Variants in SNX5 observed in about 807,000 individuals in gnomAD.
SNX5 encodes the protein sorting nexin 5.
In SNX5, 31 loss-of-function variants were observed where a neutral mutation model predicts 53.9. That is an observed-to-expected ratio of 0.58 (90% CI 0.43 to 0.78). SNX5 has a LOEUF of 0.78. SNX5 is among the 30% of genes least tolerant of loss of function. The pLI is 0.00. For synonymous variants in SNX5, 168 were observed against 171.1 expected (o/e 0.98, Z 0.14); for missense variants, 471 against 478.8 (o/e 0.98, Z 0.15).
intron 1 of SNX5, chr20:17,967,741 T>C (rs982805782): frequency 4.2e-6 from 1 of 235,622 alleles, no homozygotes; most frequent in Non-Finnish European, 8.1e-6. Context: ...AATAATCTTT[T>C]AGACCTCAAG....
intron 1 of SNX5, chr20:17,968,023 C>A: frequency 5.0e-6 from 2 of 398,446 alleles, no homozygotes; most frequent in South Asian, 2.6e-4. Context: ...CATGTTAAGT[C>A]AATTTCACGT....
At chr20:17,967,546 G>C (rs919904141) in intron 1 of SNX5, 1 of 152,230 alleles carries the variant, frequency 6.6e-6, no homozygotes, top group African/African-American at 2.4e-5. Flanking sequence ...CATTTTAAGA[G>C]AGCCTTGTAT....
In SNX5 at chr20:17,964,575, A is replaced by C. The variant is rs183038809; in HGVS notation, c.51+3800T>G. On this transcript the variant is annotated intron_variant, in intron 1 of 12. Coordinates refer to ENST00000377759, the MANE Select transcript of SNX5 (RefSeq NM_014426.4). ...AGAAAACAGGTATTAAGGGTGAAGA[A>C]GCCACTTTTTGGAAAGTTAGATCAT... 4.5e-4 allele frequency among the ~76,000 whole-genome samples: 68 copies of C among 152,308 alleles called. 1 individual carries two copies. Among genetic ancestry groups the C allele is most frequent in the Admixed American group, 2.2e-3 (33 of 15,298 alleles).
intron 3 of SNX5, chr20:17,954,346 G>A: frequency 2.0e-6 from 1 of 501,194 alleles, no homozygotes; most frequent in South Asian, 2.3e-5. Flanking sequence ...CATTTGTTCA[G>A]TTTATCCATT....
intron 1 of SNX5, chr20:17,961,563 C>T (rs990859841): frequency 1.0e-6 from 1 of 983,986 alleles, no homozygotes; most frequent in African/African-American, 1.7e-5. Context: ...ATATGCAGTG[C>T]TAGCCTGTAT....
chr20:17,959,788 CA>C (rs1231984434), intron 1 of SNX5, among the ~76,000 whole-genome samples: 1 of 152,196 alleles, frequency 6.6e-6, no homozygotes. Context: ...CGGGAAGCAT[CA>C]AGTGTGACCA....
intron 1 of SNX5, among the ~76,000 whole-genome samples, chr20:17,962,403 C>T (rs1428228880): frequency 6.7e-6 from 1 of 149,584 alleles, no homozygotes; most frequent in Non-Finnish European, 1.5e-5. Context: ...CAGGGTTTCA[C>T]CATGTTGGTC....
intron 1 of SNX5, among the ~76,000 whole-genome samples, chr20:17,960,635 G>A (rs1017225806): frequency 4.6e-5 from 7 of 151,860 alleles, no homozygotes; most frequent in Non-Finnish European, 8.8e-5. Flanking sequence ...AAATTAGCCT[G>A]GCATGGTGGC....
Position 17,968,407 on chromosome 20 carries a change from A to T in SNX5, c.19T>A (p.Leu7Met). ...CGGTCCTCCTCCTGCTGCTGCAGCA[A>T]CTCGGGAACCGCGGCCATGGCGACG... MAAVPE[L>M]LQQQEEDRSK... The change falls in exon 1 of 13, where the codon TTG becomes ATG. Residue 7 changes from leucine to methionine, a missense_variant. By Grantham distance (15) the Leu-to-Met change is conservative. Coordinates refer to ENST00000377759, the MANE Select transcript of SNX5 (RefSeq NM_014426.4). 1 of 1,287,434 alleles carries T rather than the reference A, an allele frequency of 7.8e-7. No individual in the cohort carries two copies. The highest frequency in any genetic ancestry group is 3.1e-5 in the East Asian group (1 of 31,946). 79.8% of individuals were successfully genotyped at this position (1,287,434 alleles called of 1,614,324 possible).
intron 2 of SNX5, among the ~76,000 whole-genome samples, chr20:17,956,600 G>A (rs187460738): frequency 6.9e-6 from 1 of 144,296 alleles, no homozygotes; most frequent in East Asian, 2.1e-4. Context: ...GCTTGAACCC[G>A]GGAGGCAGGG....
chr20:17,953,880 C>T (rs2122379172), intron 4 of SNX5, 116 bp downstream of exon 4: 1 of 826,292 alleles, frequency 1.2e-6, no homozygotes, highest in East Asian at 2.5e-5. Context: ...CGCTAGGGAC[C>T]TAATTAAACA....
At chr20:17,958,206 A>G (rs2035394765) in intron 1 of SNX5, among the ~76,000 whole-genome samples, 1 of 152,194 alleles carries the variant, frequency 6.6e-6, no homozygotes, top group African/African-American at 2.4e-5. Context: ...GTGCTAAAGT[A>G]AAGTTGTCAT....
intron 3 of SNX5, 84 bp downstream of exon 3, chr20:17,955,281 A>T: frequency 1.1e-6 from 1 of 917,264 alleles, no homozygotes; most frequent in Non-Finnish European, 1.7e-6. Flanking sequence ...ACAATCCATT[A>T]AAAAAAGTGG....
At chr20:17,965,799 A>T (rs557589818) in intron 1 of SNX5, among the ~76,000 whole-genome samples, 1 of 152,338 alleles carries the variant, frequency 6.6e-6, no homozygotes, top group South Asian at 2.1e-4. Flanking sequence ...CTGAACTAGA[A>T]CTAAGGCGTG....
intron 6 of SNX5, chr20:17,951,264 A>C: frequency 2.1e-6 from 1 of 474,902 alleles, no homozygotes; most frequent in Non-Finnish European, 3.9e-6. Flanking sequence ...CTTACAGAAA[A>C]GGAGAAAATG....
intron 1 of SNX5, chr20:17,962,621 T>TTCGGGGGAGGGGGGAGGGATAAAAA (rs1268019208): frequency 5.2e-5 from 24 of 461,348 alleles, no homozygotes; most frequent in African/African-American, 1.0e-4. Flanking sequence ...TAAAGACTTC[T>TTCGGGGGAGGGGGGAGGGATAAAAA]AACAGAAGAT....
In SNX5 at chr20:17,968,466, G is replaced by C; in HGVS notation, c.-41C>G. 5.4e-6 allele frequency: 7 copies of C among 1,290,088 alleles called. No homozygotes were observed. The South Asian group carries it at 8.5e-5, about 16-fold the overall frequency. 79.9% of individuals were successfully genotyped at this position (1,290,088 alleles called of 1,614,324 possible). A position where few individuals can be genotyped will look rare whatever the true frequency, so the allele number is the denominator to read the frequency against. ...GAGCAGGGGCCGCCTGGCTGTGCGAGGAAAGAAGAAGCTGGGCCGCCGCCG... is the reference window on the plus strand; with the variant it reads ...GAGCAGGGGCCGCCTGGCTGTGCGACGAAAGAAGAAGCTGGGCCGCCGCCG... On this transcript the variant is annotated 5_prime_UTR_variant, in exon 1 of 13. Transcript: ENST00000377759.
intron 1 of SNX5, chr20:17,961,368 C>T (rs1459622618): frequency 2.0e-6 from 2 of 985,264 alleles, no homozygotes; most frequent in Non-Finnish European, 2.4e-6. Flanking sequence ...TCAGAACCCA[C>T]CAGGAGAACA....
intron 11 of SNX5, among the ~76,000 whole-genome samples, chr20:17,946,065 G>T (rs2039484125): frequency 1.3e-5 from 2 of 152,280 alleles, no homozygotes; most frequent in South Asian, 4.2e-4. Flanking sequence ...AAGATCCACA[G>T]AATCCTCTTA....
Sources: allele counts gnomAD v4.1 joint callset (sites outside exome capture counted in the v4.1 genomes callset), GRCh38; gene constraint gnomAD v4.1.1; transcripts MANE v1.5; gene names NCBI Gene and HGNC (gene_info 2026-07-23, HGNC 2026-07-21).